LARS2: variants seen among roughly 807,000 people sequenced by gnomAD.
LARS2 encodes leucine--tRNA ligase, mitochondrial.
A neutral mutation model predicts 116.6 loss-of-function variants in LARS2; 81 were observed. The observed-to-expected ratio is 0.69, with a 90% CI of 0.58 to 0.84. The LOEUF is 0.84. Among genes scored for constraint, LARS2 ranks in the 40% least tolerant of loss-of-function variants. LARS2 has a pLI of 0.00. For synonymous variants in LARS2, 396 were observed against 407.2 expected, an observed-to-expected ratio of 0.97 and a Z score of 0.33; for missense variants, 968 against 1,114.5, an observed-to-expected ratio of 0.87 and a Z score of 1.87.
chr3:45,491,825 G>C, intron 13 of LARS2, 25 bp downstream of exon 13: 1 of 1,604,650 alleles, frequency 6.2e-7, no homozygotes, highest in Non-Finnish European at 8.5e-7. Flanking sequence ...CCCTGCAGTG[G>C]TGACTGTGCC....
chr3:45,541,201 C>T (rs1700790381), intron 20 of LARS2, among the ~76,000 whole-genome samples: 1 of 152,162 alleles, frequency 6.6e-6, no homozygotes, highest in Admixed American at 6.5e-5. Context: ...CGGCACGAAG[C>T]ACTCTGGGAA....
At chr3:45,482,331 A>AT (rs1464290524) in intron 10 of LARS2, among the ~76,000 whole-genome samples, 2 of 152,188 alleles carry the variant, frequency 1.3e-5, no homozygotes, top group Non-Finnish European at 2.9e-5. Flanking sequence ...TTATGTCCAC[A>AT]TGGCTCTTTG....
intron 4 of LARS2, among the ~76,000 whole-genome samples, chr3:45,411,082 G>A (rs532442810): frequency 1.8e-4 from 27 of 152,264 alleles, no homozygotes; most frequent in African/African-American, 5.8e-4. Context: ...TATGCACTGC[G>A]GGGATCTAAC....
intron 8 of LARS2, among the ~76,000 whole-genome samples, chr3:45,468,349 C>G (rs1388680718): frequency 1.3e-5 from 2 of 152,262 alleles, no homozygotes; most frequent in African/African-American, 4.8e-5. Context: ...CAGCCTTGCC[C>G]TCAAGACTCC....
At position 45,488,796 on chromosome 3, in the gene LARS2, T is replaced by G; in HGVS notation, c.1223T>G (p.Leu408Arg). 3 of 1,607,334 alleles carry G rather than the reference T, an allele frequency of 1.9e-6. No homozygotes were observed. The highest frequency in any genetic ancestry group is 2.6e-6 in the Non-Finnish European group (3 of 1,173,782). ...ACTTTGCCAGATGGCACAGAGAGAC[T>G]GAGCAGCTCTGCTGAGGTTGGTGAC... Reference protein sequence around the residue: ...IETLPDGTERLSSSAEFTGMT... With the variant: ...IETLPDGTERRSSSAEFTGMT... Residue 408 changes from leucine (L) to arginine (R), a missense_variant, in exon 12 of 22, where the codon CTG (leucine) becomes CGG (arginine). Transcript: ENST00000645846.
At chr3:45,417,791 T>C (rs1358094875) in intron 5 of LARS2, among the ~76,000 whole-genome samples, 2 of 152,190 alleles carry the variant, frequency 1.3e-5, no homozygotes, top group African/African-American at 4.8e-5. Context: ...TGTGTTCATT[T>C]TGATGCTTTG....
Position 45,394,690 on chromosome 3 carries a change from G to A in LARS2, c.234+3G>A. The A allele has an allele frequency of 6.3e-7, 1 of 1,594,000 alleles. No individual in the cohort carries two copies. The highest frequency in any genetic ancestry group is 8.6e-7 in the Non-Finnish European group (1 of 1,161,734). Reference sequence around the variant, plus strand: ...CCTCCAAAATTTCAGAAGCTGATGTGAGTATTCTGAGAGATTCTAAGAGGG... The same window carrying A: ...CCTCCAAAATTTCAGAAGCTGATGTAAGTATTCTGAGAGATTCTAAGAGGG... On this transcript the variant is annotated splice_donor_region_variant and intron_variant, in intron 3 of 21. Transcript: ENST00000645846.
intron 17 of LARS2, among the ~76,000 whole-genome samples, chr3:45,516,589 G>A (rs1298759297): frequency 6.6e-6 from 1 of 152,214 alleles, no homozygotes; most frequent in Non-Finnish European, 1.5e-5. Flanking sequence ...GGTGATTCCA[G>A]TGCACACTCT....
chr3:45,442,466 TTTA>T (rs1214208428), intron 6 of LARS2, among the ~76,000 whole-genome samples: 7 of 152,184 alleles, frequency 4.6e-5, no homozygotes, highest in African/African-American at 1.7e-4. Context: ...ACTACACAAA[TTTA>T]TTATGTAGAT....
intron 2 of LARS2, among the ~76,000 whole-genome samples, chr3:45,392,364 C>T (rs371713584): frequency 8.8e-4 from 129 of 145,960 alleles, no homozygotes; most frequent in African/African-American, 3.1e-3. Flanking sequence ...AGTGCAGTGG[C>T]GCTCACTGCA....
chr3:45,520,398 G>A (rs1700434379), intron 19 of LARS2, 102 bp downstream of exon 19: 1 of 756,388 alleles, frequency 1.3e-6, no homozygotes, highest in Admixed American at 2.2e-5. Flanking sequence ...CCCCCACTGT[G>A]TCACCGCCTC....
chr3:45,415,859 AAATAT>A (rs1559461261), intron 4 of LARS2, among the ~76,000 whole-genome samples: 2 of 68,652 alleles, frequency 2.9e-5, no homozygotes. Flanking sequence ...AAAAAAAAAA[AAATAT>A]ATATATATAT....
At chr3:45,493,602 G>T (rs1699961849) in intron 13 of LARS2, among the ~76,000 whole-genome samples, 1 of 152,166 alleles carries the variant, frequency 6.6e-6, no homozygotes, top group Non-Finnish European at 1.5e-5. Context: ...AGCAGTATCG[G>T]TCTCATAATC....
chr3:45,534,253 C>T (rs1294960152), intron 20 of LARS2, among the ~76,000 whole-genome samples: 1 of 152,078 alleles, frequency 6.6e-6, no homozygotes, highest in Non-Finnish European at 1.5e-5. Flanking sequence ...CCAGGAATGT[C>T]CCCCTAGGTC....
At chr3:45,435,351 GC>G (rs1698780921) in intron 6 of LARS2, among the ~76,000 whole-genome samples, 2 of 152,278 alleles carry the variant, frequency 1.3e-5, no homozygotes, top group South Asian at 4.2e-4. Context: ...TTTCTCCTCA[GC>G]TTCCTGTGAC....
intron 8 of LARS2, among the ~76,000 whole-genome samples, chr3:45,470,463 T>C (rs530123203): frequency 2.0e-5 from 3 of 152,296 alleles, no homozygotes; most frequent in Non-Finnish European, 4.4e-5. Flanking sequence ...CCTAGTTCTG[T>C]TTCAATTTCT....
rs1204875217 is a variant in LARS2 at position 45,474,287 on chromosome 3, A to G, written c.795A>G (p.Ile265Met). 4 of 1,611,204 alleles carry G rather than the reference A, an allele frequency of 2.5e-6. No individual in the cohort carries two copies. The Admixed American group carries it at 5.0e-5, about 20-fold the overall frequency. Residue 265 changes from isoleucine (I) to methionine (M), a missense_variant, in exon 9 of 22, where the codon ATA (isoleucine) becomes ATG (methionine). Coordinates refer to ENST00000645846, the MANE Select transcript of LARS2 (RefSeq NM_015340.4). ...ALADLPEWYG[I>M]KGMQAHWIGD... ...CAGACCTTCCAGAATGGTATGGAAT[A>G]AAAGGCATGCAAGCCCACTGGATTG...
intron 7 of LARS2, among the ~76,000 whole-genome samples, chr3:45,448,956 A>C (rs1403676424): frequency 2.0e-5 from 3 of 152,214 alleles, no homozygotes; most frequent in African/African-American, 7.2e-5. Flanking sequence ...TCCCAACACA[A>C]TAGAATACTT....
intron 6 of LARS2, among the ~76,000 whole-genome samples, chr3:45,437,228 G>A (rs1160668949): frequency 6.6e-6 from 1 of 152,136 alleles, no homozygotes; most frequent in Non-Finnish European, 1.5e-5. Flanking sequence ...AGACCTTTAA[G>A]AATAAAATGC....
Sources: allele counts gnomAD v4.1 joint callset (sites outside exome capture counted in the v4.1 genomes callset), GRCh38; gene constraint gnomAD v4.1.1; transcripts MANE v1.5; gene names NCBI Gene and HGNC (gene_info 2026-07-23, HGNC 2026-07-21).